Variants in PGM5 observed in about 807,000 individuals in gnomAD.
The protein encoded by PGM5 is phosphoglucomutase-like protein 5.
In PGM5, 23 loss-of-function variants were observed where a neutral mutation model predicts 59.2. The ratio of observed to expected loss-of-function variants is 0.39; its 90% confidence interval spans 0.28 to 0.55. The LOEUF (loss-of-function observed/expected upper bound fraction) is 0.55. PGM5 is among the 20% of genes least tolerant of loss of function. The pLI, the probability that PGM5 is intolerant of heterozygous loss-of-function variation, is 0.66. For synonymous variants in PGM5, 214 were observed against 286.0 expected, an observed-to-expected ratio of 0.75 and a Z score of 2.54; for missense variants, 574 against 748.3, an observed-to-expected ratio of 0.77 and a Z score of 2.72.
At chr9:68,405,123 GA>G (rs1822771667) in intron 6 of PGM5, 1 of 152,196 alleles carries the variant, frequency 6.6e-6, no homozygotes, top group Admixed American at 6.5e-5. Flanking sequence ...TTCTTTCCAA[GA>G]AGAAACTGAA....
intron 6 of PGM5, among the ~76,000 whole-genome samples, chr9:68,417,173 G>A (rs536385634): frequency 6.6e-6 from 1 of 152,304 alleles, no homozygotes; most frequent in Non-Finnish European, 1.5e-5. Context: ...AGCACAGCTA[G>A]GTAAAGTAGG....
At chr9:68,525,369 C>G (rs571468869) in intron 10 of PGM5, among the ~76,000 whole-genome samples, 2 of 152,314 alleles carry the variant, frequency 1.3e-5, no homozygotes, top group African/African-American at 4.8e-5. Context: ...CATCATGTGG[C>G]CACTCATTCT....
intron 6 of PGM5, among the ~76,000 whole-genome samples, chr9:68,406,803 T>C (rs1822829998): frequency 6.8e-6 from 1 of 147,472 alleles, no homozygotes. Flanking sequence ...GCGATGGGGC[T>C]TTATGGATAA....
intron 6 of PGM5, among the ~76,000 whole-genome samples, chr9:68,443,622 C>T (rs1372610085): frequency 6.6e-6 from 1 of 152,194 alleles, no homozygotes; most frequent in Admixed American, 6.5e-5. Context: ...CAACTCTCCT[C>T]CAAAAAGTTA....
chr9:68,456,460 G>A lies in PGM5; in HGVS notation c.1044-8633G>A, dbSNP rs1246238231. ...CGAGTAGCTGGGACTACAGGTGCCT[G>A]CCACCACGCCTGGCTAATTTTTTTT... On this transcript the variant is annotated intron_variant, in intron 6 of 10. Transcript: ENST00000396396. Among the ~76,000 whole-genome samples the A allele has an allele frequency of 1.3e-4, 19 of 148,474 alleles. 1 individual carries two copies. The highest frequency in any genetic ancestry group is 4.0e-4 in the Admixed American group (6 of 14,970).
intron 6 of PGM5, among the ~76,000 whole-genome samples, chr9:68,431,955 C>G (rs1324489398): frequency 6.6e-6 from 1 of 152,136 alleles, no homozygotes; most frequent in Non-Finnish European, 1.5e-5. Flanking sequence ...CCAATCTACT[C>G]CTGGAATTTT....
intron 10 of PGM5, among the ~76,000 whole-genome samples, chr9:68,514,813 A>C (rs1359743023): frequency 6.6e-6 from 1 of 152,224 alleles, no homozygotes. Context: ...TCATTTAGGA[A>C]AATCATAAAG....
intron 10 of PGM5, among the ~76,000 whole-genome samples, chr9:68,526,008 A>G (rs1824967152): frequency 6.6e-6 from 1 of 151,942 alleles, no homozygotes; most frequent in African/African-American, 2.4e-5. Flanking sequence ...GTGAGCCAAG[A>G]TCGCGCCACT....
intron 10 of PGM5, among the ~76,000 whole-genome samples, chr9:68,521,316 T>C (rs1824896656): frequency 6.6e-6 from 1 of 152,178 alleles, no homozygotes; most frequent in African/African-American, 2.4e-5. Context: ...GAATCAAAAC[T>C]TAGAATCCAA....
At chr9:68,382,020 A>G (rs1434528233) in intron 2 of PGM5, among the ~76,000 whole-genome samples, 4 of 152,066 alleles carry the variant, frequency 2.6e-5, no homozygotes, top group Admixed American at 2.6e-4. Context: ...CTTCATGGAA[A>G]TAGAAAAGCA....
chr9:68,489,252 C>T (rs1272114528), intron 9 of PGM5, among the ~76,000 whole-genome samples: 1 of 152,162 alleles, frequency 6.6e-6, no homozygotes, highest in Admixed American at 6.5e-5. Context: ...GAGTGAAGGA[C>T]AGTGTGACAG....
intron 10 of PGM5, among the ~76,000 whole-genome samples, chr9:68,518,476 C>T (rs1218778303): frequency 6.6e-6 from 1 of 152,104 alleles, no homozygotes; most frequent in Non-Finnish European, 1.5e-5. Context: ...TTATTCAATA[C>T]ACACTGTAAA....
intron 6 of PGM5, among the ~76,000 whole-genome samples, chr9:68,420,551 A>G (rs917216486): frequency 2.0e-5 from 3 of 152,210 alleles, no homozygotes; most frequent in Non-Finnish European, 1.5e-5. Context: ...TATACAAATG[A>G]TCATTGTGAT....
In PGM5 at chr9:68,387,492, C is replaced by A. The variant is rs1193769614; in HGVS notation, c.601C>A (p.Leu201Ile). 1.9e-6 allele frequency: 3 copies of A among 1,611,564 alleles called. No homozygotes were observed. The African/African-American group carries it at 4.0e-5, about 22-fold the overall frequency. ...VEIVDPVDIY[L>I]NLLRTIFDFH... ...GATAGTGGACCCAGTGGATATCTAT[C>A]TTAACCTCCTTCGGACCATCTTTGA... is the stretch of plus-strand genomic sequence containing the variant. The change falls in exon 4 of 11, where the codon CTT becomes ATT. Residue 201 changes from leucine (L) to isoleucine (I), a missense_variant. Physicochemically the swap from Leu to Ile is conservative, Grantham distance 5. Coordinates refer to ENST00000396396, the MANE Select transcript of PGM5 (RefSeq NM_021965.4).
At chr9:68,450,863 A>G (rs1823686294) in intron 6 of PGM5, among the ~76,000 whole-genome samples, 1 of 152,248 alleles carries the variant, frequency 6.6e-6, no homozygotes, top group African/African-American at 2.4e-5. Context: ...TGCATTGGAA[A>G]TTGACAGAGA....
chr9:68,495,529 A>G (rs937050637), intron 9 of PGM5, among the ~76,000 whole-genome samples: 1 of 152,214 alleles, frequency 6.6e-6, no homozygotes, highest in Non-Finnish European at 1.5e-5. Flanking sequence ...AGCTTCATAC[A>G]GCCTCTAACA....
At chr9:68,526,906 A>G (rs1196384544) in intron 10 of PGM5, among the ~76,000 whole-genome samples, 6 of 152,244 alleles carry the variant, frequency 3.9e-5, no homozygotes, top group Non-Finnish European at 8.8e-5. Context: ...CATAGTCTCA[A>G]TAATTAGTAC....
At chr9:68,374,744 T>C (rs1470835636) in intron 1 of PGM5, among the ~76,000 whole-genome samples, 1 of 152,244 alleles carries the variant, frequency 6.6e-6, no homozygotes, top group East Asian at 1.9e-4. Flanking sequence ...TCCCATTAAT[T>C]AATTCAACAG....
chr9:68,495,059 G>C (rs1288574133), intron 9 of PGM5, among the ~76,000 whole-genome samples: 1 of 152,186 alleles, frequency 6.6e-6, no homozygotes, highest in East Asian at 1.9e-4. Context: ...TGGATAAAAT[G>C]ATGATGAATG....
Sources: allele counts gnomAD v4.1 joint callset (sites outside exome capture counted in the v4.1 genomes callset), GRCh38; gene constraint gnomAD v4.1.1; transcripts MANE v1.5; gene names NCBI Gene and HGNC (gene_info 2026-07-23, HGNC 2026-07-21).